SLC45A3: variants seen among roughly 807,000 people sequenced by gnomAD.
The protein encoded by SLC45A3 is prostate cancer associated protein 2.
A neutral mutation model predicts 35.3 loss-of-function variants in SLC45A3; 17 were observed. That is an observed-to-expected ratio of 0.48 (90% confidence interval 0.33 to 0.72). SLC45A3 has a LOEUF of 0.72. SLC45A3 is among the 30% of genes least tolerant of loss of function. SLC45A3 has a pLI of 0.02. For synonymous variants in SLC45A3, 288 were observed against 334.3 expected (o/e 0.86, Z 1.51); for missense variants, 597 against 731.7 (o/e 0.82, Z 2.12).
At position 205,669,714 on chromosome 1, in the gene SLC45A3, C is replaced by T. The variant is rs1040466135; in HGVS notation, c.-230-4828G>A. On this transcript the variant is annotated intron_variant, in intron 1 of 4. Transcript: ENST00000367145. This position sits in a 1 kb window ranked among gnomAD's most constrained non-coding sequence, Gnocchi z 4.1. The stretch of plus-strand genomic sequence containing the variant: ...ACTCACAAAGACGCTCTGCTTTCTC[C>T]CAGGCTCCTCAGAAGCGGCTCCTCT... Among the ~76,000 whole-genome samples, 4 of 152,206 alleles carry T rather than the reference C, an allele frequency of 2.6e-5. No individual in the cohort carries two copies. The highest frequency in any genetic ancestry group is 6.5e-5 in the Admixed American group (1 of 15,282).
At chr1:205,672,400 G>A (rs933667936) in intron 1 of SLC45A3, among the ~76,000 whole-genome samples, 2 of 152,202 alleles carry the variant, frequency 1.3e-5, no homozygotes, top group Non-Finnish European at 2.9e-5. Flanking sequence ...AGATCCCATA[G>A]TTATGAGACA....
At chr1:205,670,647 A>C (rs1188841336) in intron 1 of SLC45A3, among the ~76,000 whole-genome samples, 1 of 152,230 alleles carries the variant, frequency 6.6e-6, no homozygotes, top group Non-Finnish European at 1.5e-5. Context: ...CGTTACTGGA[A>C]GCCTTCTGCT....
At chr1:205,661,651 A>G (rs904893687) in intron 4 of SLC45A3, among the ~76,000 whole-genome samples, 2 of 152,228 alleles carry the variant, frequency 1.3e-5, no homozygotes, top group African/African-American at 4.8e-5. Context: ...AGTGCTACAC[A>G]GTCCTGACCC....
At position 205,666,452 on chromosome 1, in the gene SLC45A3, G is replaced by A. The variant is rs576722069; in HGVS notation, c.-230-1566C>T. Reference sequence around the variant, plus strand: ...GAGCCTGGGAGGTCAAGGGTGCAGCGCGCAGTGATTGGACCACTGCCTCCA... The same window carrying A: ...GAGCCTGGGAGGTCAAGGGTGCAGCACGCAGTGATTGGACCACTGCCTCCA... On this transcript the variant is annotated intron_variant, in intron 1 of 4. Transcript: ENST00000367145. The surrounding 1 kb of genome is among the most constrained non-coding windows in gnomAD (Gnocchi z 4.1). Among the ~76,000 whole-genome samples the A allele has an allele frequency of 1.5e-4, 23 of 152,334 alleles. No individual in the cohort carries two copies. In the South Asian group the frequency reaches 3.5e-3, roughly 23 times the overall value.
In SLC45A3 at chr1:205,662,905, C is replaced by T. The variant is rs150262445; in HGVS notation, c.886G>A (p.Val296Met). 743 of 1,613,072 alleles carry T rather than the reference C, an allele frequency of 4.6e-4. No individual in the cohort carries two copies. The highest frequency in any genetic ancestry group is 5.9e-4 in the Non-Finnish European group (692 of 1,179,866). Residue 296 changes from valine (V) to methionine (M), a missense_variant, in exon 3 of 5, where the codon GTG (valine) becomes ATG (methionine). Coordinates refer to ENST00000367145, the MANE Select transcript of SLC45A3 (RefSeq NM_033102.3). This position sits in a 1 kb window ranked among gnomAD's most constrained non-coding sequence, Gnocchi z 6.2. Reference sequence around the variant, plus strand: ...ACGCCCTGGTACAGCCCCTCGCCCACGAAATCCGTGTAAAACAGCGTGAAG... The same window carrying T: ...ACGCCCTGGTACAGCCCCTCGCCCATGAAATCCGTGTAAAACAGCGTGAAG... ...MTFTLFYTDF[V>M]GEGLYQGVPR...
rs1049089982 is a variant in SLC45A3 at position 205,659,252 on chromosome 1, C to T, written c.1644G>A (p.Leu548=). 1 of 1,612,004 alleles carries T rather than the reference C, an allele frequency of 6.2e-7. No individual in the cohort carries two copies. Among genetic ancestry groups the T allele is most frequent in the African/African-American group, 1.3e-5 (1 of 74,896 alleles). ...AAGTTTTCTACGCTGAGTATTTGGC[C>T]AAGTCGCTCTTGTCAAATACTACCT... The part of the protein sequence containing the change: ...ATQVVFDKSD[L]AKYSA Residue 548 remains leucine, a synonymous_variant, in exon 5 of 5, where the codon TTG becomes TTA. Coordinates refer to ENST00000367145, the MANE Select transcript of SLC45A3 (RefSeq NM_033102.3). The surrounding 1 kb of genome is among the most constrained non-coding windows in gnomAD (Gnocchi z 5.8).
chr1:205,675,385 GA>G (rs142090357), intron 1 of SLC45A3, among the ~76,000 whole-genome samples: 2,641 of 152,284 alleles, frequency 0.017, 55 homozygotes, highest in African/African-American at 0.046. Flanking sequence ...GCCTGCCTCG[GA>G]AGAGAATAAG....
At chr1:205,680,274 G>A (rs898673238) in intron 1 of SLC45A3, 120 bp downstream of exon 1, 7 of 151,990 alleles carry the variant, frequency 4.6e-5, no homozygotes, top group African/African-American at 1.7e-4. Context: ...GGACGGCCAC[G>A]GCGCAGCCCC....
chr1:205,661,717 C>T, intron 4 of SLC45A3, 144 bp downstream of exon 4: 7 of 1,242,332 alleles, frequency 5.6e-6, no homozygotes, highest in Non-Finnish European at 6.5e-6. Context: ...AGCCTCTGGC[C>T]CTGGGGCTAG....
chr1:205,678,005 T>C (rs1376497869), intron 1 of SLC45A3, among the ~76,000 whole-genome samples: 1 of 152,164 alleles, frequency 6.6e-6, no homozygotes, highest in Non-Finnish European at 1.5e-5. Context: ...GCTCACCTAG[T>C]GAAGCAGCCA....
Position 205,662,751 on chromosome 1 carries a change from G to A in SLC45A3, c.958+82C>T. On this transcript the variant is annotated intron_variant, in intron 3 of 4. Coordinates refer to ENST00000367145, the MANE Select transcript of SLC45A3 (RefSeq NM_033102.3). The surrounding 1 kb of genome is among the most constrained non-coding windows in gnomAD (Gnocchi z 6.2). Reference sequence around the variant, plus strand: ...AGAGAAGTCGGGGCCAGGATGGAGAGGCACCAGCCCAGACACAGCCCCGAG... The same window carrying A: ...AGAGAAGTCGGGGCCAGGATGGAGAAGCACCAGCCCAGACACAGCCCCGAG... 6.7e-7 allele frequency: 1 copy of A among 1,500,984 alleles called. No individual in the cohort carries two copies. The highest frequency in any genetic ancestry group is 8.9e-7 in the Non-Finnish European group (1 of 1,127,816). 93.0% of individuals were successfully genotyped at this position (1,500,984 alleles called of 1,614,324 possible). A position where few individuals can be genotyped will look rare whatever the true frequency, so the allele number is the denominator to read the frequency against.
In SLC45A3 at chr1:205,658,647, G is replaced by A. The variant is rs562919363; in HGVS notation, c.*587C>T. The A allele has an allele frequency of 4.3e-6, 1 of 233,654 alleles. No individual in the cohort carries two copies. The allele number at this position is 233,654 out of a possible 1,614,324, so 14.5% of individuals were successfully genotyped here. ...CCACATCCTGATAAAAGGTAAGAGG[G>A]GGGTGGATCAGCAAAAAGACAGTGC... On this transcript the variant is annotated 3_prime_UTR_variant, in exon 5 of 5. Coordinates refer to ENST00000367145, the MANE Select transcript of SLC45A3 (RefSeq NM_033102.3).
chr1:205,678,347 G>T (rs1174275440), intron 1 of SLC45A3, among the ~76,000 whole-genome samples: 1 of 152,154 alleles, frequency 6.6e-6, no homozygotes, highest in Non-Finnish European at 1.5e-5. Flanking sequence ...TGACAGTCTG[G>T]GTTTTTATCC....
chr1:205,659,464 T>C lies in SLC45A3; in HGVS notation c.1432A>G (p.Thr478Ala). ...VSVRVVVGEP[T>A]EARVVPGRGI... is the part of the protein sequence containing the mutation. Reference sequence around the variant, plus strand: ...CGGCCCGGAACCACCCTGGCCTCGGTGGGCTCACCCACCACCACACGTACG... The same window carrying C: ...CGGCCCGGAACCACCCTGGCCTCGGCGGGCTCACCCACCACCACACGTACG... The change falls in exon 5 of 5, where the codon ACC becomes GCC. Residue 478 changes from threonine (T) to alanine (A), a missense_variant. By Grantham distance (58) the Thr-to-Ala change is moderately conservative. Around this residue, in one of 3 missense-constraint regions of SLC45A3, gnomAD observed 555 missense variants for 664.9 expected, o/e 0.83. Transcript: ENST00000367145. This position sits in a 1 kb window ranked among gnomAD's most constrained non-coding sequence, Gnocchi z 5.8. 2 of 1,613,942 alleles carry C rather than the reference T, an allele frequency of 1.2e-6. No individual in the cohort carries two copies. The highest frequency in any genetic ancestry group is 1.7e-6 in the Non-Finnish European group (2 of 1,179,958).
At chr1:205,672,311 C>G (rs565190650) in intron 1 of SLC45A3, among the ~76,000 whole-genome samples, 1 of 152,202 alleles carries the variant, frequency 6.6e-6, no homozygotes, top group South Asian at 2.1e-4. Flanking sequence ...AGGTGCTGGC[C>G]CCAACAGGTG....
intron 1 of SLC45A3, among the ~76,000 whole-genome samples, chr1:205,671,342 C>T (rs1671211550): frequency 6.6e-6 from 1 of 152,200 alleles, no homozygotes; most frequent in African/African-American, 2.4e-5. Context: ...ACTGGGCATG[C>T]CCTCCAAACC....
At chr1:205,680,331 A>G (rs1050932817) in intron 1 of SLC45A3, 63 bp downstream of exon 1, 1 of 151,980 alleles carries the variant, frequency 6.6e-6, no homozygotes. Context: ...TCGGCCGTGC[A>G]CTGCTGCTCC....
At chr1:205,668,549 GT>G in intron 1 of SLC45A3, among the ~76,000 whole-genome samples, 1 of 152,174 alleles carries the variant, frequency 6.6e-6, no homozygotes, top group East Asian at 1.9e-4. Flanking sequence ...TGGGGACAGG[GT>G]CCAATTCTCC....
rs1571532068 is a variant in SLC45A3 at position 205,662,346 on chromosome 1, A to G, written c.959-220T>C. On this transcript the variant is annotated intron_variant, in intron 3 of 4. Coordinates refer to ENST00000367145, the MANE Select transcript of SLC45A3 (RefSeq NM_033102.3). This position sits in a 1 kb window ranked among gnomAD's most constrained non-coding sequence, Gnocchi z 6.2. ...GGGCAACGCCCCTTGCTGAAGGCAG[A>G]GGAAGGTAGTCTGAAGGTTTCCTGG... 1 of 1,410,540 alleles carries G rather than the reference A, an allele frequency of 7.1e-7. No individual in the cohort carries two copies. Among genetic ancestry groups the G allele is most frequent in the East Asian group, 2.6e-5 (1 of 38,730 alleles). 87.4% of individuals were successfully genotyped at this position (1,410,540 alleles called of 1,614,324 possible).
Sources: gnomAD v4.1 joint callset for allele counts (sites outside exome capture counted in the v4.1 genomes callset) on GRCh38, gnomAD v4.1.1 for gene constraint, gnomAD v4.1.1 regional missense constraint, Gnocchi (gnomAD v3.1) non-coding constraint, MANE v1.5 for transcripts, NCBI Gene and HGNC (gene_info 2026-07-23, HGNC 2026-07-21) for gene names.